SLFN12L: variants seen among roughly 807,000 people sequenced by gnomAD.
The protein encoded by SLFN12L is schlafen family member 12 like.
SLFN12L carries 34 observed loss-of-function variants against 34.8 expected under a neutral mutation model. That is an observed-to-expected ratio of 0.98 (90% CI 0.74 to 1.30). The LOEUF is 1.30. SLFN12L is among the 50% of genes most tolerant of loss of function. The pLI is 0.00. For missense variants in SLFN12L, 703 were observed against 696.2 expected, an observed-to-expected ratio of 1.01 and a Z score of -0.11; for synonymous variants, 259 against 247.5, an observed-to-expected ratio of 1.05 and a Z score of -0.44.
chr17:35,479,079 G>A (rs1204777152), intron 3 of SLFN12L, 38 bp downstream of exon 3: 3 of 1,464,242 alleles, frequency 2.0e-6, no homozygotes, highest in Non-Finnish European at 2.7e-6. Flanking sequence ...TGCCACCCAA[G>A]CCAAAGGTAT....
At chr17:35,530,854 C>T (rs983282317) in intron 1 of SLFN12L, among the ~76,000 whole-genome samples, 1 of 152,090 alleles carries the variant, frequency 6.6e-6, no homozygotes, top group Non-Finnish European at 1.5e-5. Context: ...GAAAACATTT[C>T]GTTATTTGAT....
At chr17:35,503,589 C>T (rs1260166215) in intron 2 of SLFN12L, among the ~76,000 whole-genome samples, 1 of 152,100 alleles carries the variant, frequency 6.6e-6, no homozygotes, top group Non-Finnish European at 1.5e-5. Context: ...AAAATAGGTA[C>T]TAAAGGAAAT....
At chr17:35,516,227 AC>A (rs1283425302) in intron 2 of SLFN12L, among the ~76,000 whole-genome samples, 1 of 152,184 alleles carries the variant, frequency 6.6e-6, no homozygotes, top group Non-Finnish European at 1.5e-5. Flanking sequence ...CAACTCTATT[AC>A]TTCAGCATCA....
intron 2 of SLFN12L, among the ~76,000 whole-genome samples, chr17:35,504,511 A>G (rs1488629560): frequency 1.3e-5 from 2 of 152,220 alleles, no homozygotes; most frequent in Non-Finnish European, 2.9e-5. Flanking sequence ...AACAAAAGCA[A>G]TTGTTATGCT....
chr17:35,498,244 A>G, intron 2 of SLFN12L: 2 of 776,228 alleles, frequency 2.6e-6, no homozygotes, highest in Non-Finnish European at 4.8e-6. Context: ...GAGGAGATCC[A>G]GATGGCAGTG....
chr17:35,533,427 A>G (rs1400256606), intron 1 of SLFN12L, among the ~76,000 whole-genome samples: 3 of 152,220 alleles, frequency 2.0e-5, no homozygotes, highest in Non-Finnish European at 4.4e-5. Flanking sequence ...GTTCTTGAGG[A>G]GGTTGACAGT....
At chr17:35,535,357 A>T (rs1286408256) in intron 1 of SLFN12L, among the ~76,000 whole-genome samples, 3 of 141,776 alleles carry the variant, frequency 2.1e-5, no homozygotes, top group Non-Finnish European at 4.7e-5. Flanking sequence ...TGCCTAGCTA[A>T]TTTTTTTTTT....
In SLFN12L at chr17:35,479,143, A is replaced by C; in HGVS notation, c.1139T>G (p.Ile380Ser). ...TGGTTCTGAATCCACCATGAACTGG[A>C]TCCATTCCTTCTCGGTCAACTGCTT... ...RVKQLTEKEW[I>S]QFMVDSEPVC... Residue 380 changes from isoleucine to serine, a missense_variant, in exon 3 of 5, where the codon ATC becomes AGC. Transcript: ENST00000628453. 1 of 1,567,468 alleles carries C rather than the reference A, an allele frequency of 6.4e-7. No individual in the cohort carries two copies. The highest frequency in any genetic ancestry group is 1.9e-5 in the Admixed American group (1 of 53,080).
At chr17:35,487,829 C>G in intron 2 of SLFN12L, 1 of 1,411,576 alleles carries the variant, frequency 7.1e-7, no homozygotes, top group Non-Finnish European at 9.7e-7. Flanking sequence ...CCTCGCTCAG[C>G]TGCATTTCTA....
At chr17:35,490,644 A>G in intron 2 of SLFN12L, 3 of 912,080 alleles carry the variant, frequency 3.3e-6, no homozygotes, top group Non-Finnish European at 5.5e-6. Context: ...AATTAGATGA[A>G]CTGATCCCAA....
chr17:35,500,982 G>A (rs1393111006), intron 2 of SLFN12L, among the ~76,000 whole-genome samples: 2 of 152,194 alleles, frequency 1.3e-5, no homozygotes, highest in South Asian at 2.1e-4. Flanking sequence ...TTTTGGAGAC[G>A]TGAGTCTGCC....
intron 2 of SLFN12L, chr17:35,490,593 C>T (rs1567659973): frequency 1.2e-6 from 1 of 822,224 alleles, no homozygotes. Context: ...AGTGTCAAGG[C>T]CTGTCAAAAG....
At chr17:35,497,157 G>A (rs1567666710) in intron 2 of SLFN12L, among the ~76,000 whole-genome samples, 3 of 152,138 alleles carry the variant, frequency 2.0e-5, no homozygotes, top group Non-Finnish European at 4.4e-5. Flanking sequence ...TTGGGAGGCC[G>A]AAGCGGGCGG....
chr17:35,498,409 C>A (rs1405350942), intron 2 of SLFN12L: 3 of 1,287,594 alleles, frequency 2.3e-6, no homozygotes, highest in Non-Finnish European at 3.4e-6. Context: ...CCTTGCCAGG[C>A]AGAGCCCCAG....
chr17:35,521,293 C>A (rs989047361), intron 2 of SLFN12L, among the ~76,000 whole-genome samples: 1 of 152,058 alleles, frequency 6.6e-6, no homozygotes, highest in Non-Finnish European at 1.5e-5. Context: ...AGATAAATTG[C>A]GGAGTTTAGT....
At chr17:35,523,385 G>A (rs1488059916) in intron 1 of SLFN12L, among the ~76,000 whole-genome samples, 1 of 152,206 alleles carries the variant, frequency 6.6e-6, no homozygotes, top group South Asian at 2.1e-4. Context: ...GGGGGTAGCA[G>A]GAGCCTTCCC....
At position 35,465,276 on chromosome 17, in the gene SLFN12L, G is replaced by C. The variant is rs148197020; in HGVS notation, c.*9647C>G. The stretch of plus-strand genomic sequence containing the variant: ...AAATACTCAAATTATACTTATGCCT[G>C]AGGTTCCAACAAATTTAAACATTGT... On this transcript the variant is annotated 3_prime_UTR_variant, in exon 5 of 5. Coordinates refer to ENST00000628453, the MANE Select transcript of SLFN12L (RefSeq NM_001363830.2). Among the ~76,000 whole-genome samples, 131 of 152,228 alleles carry C rather than the reference G, an allele frequency of 8.6e-4. No individual in the cohort carries two copies. The highest frequency in any genetic ancestry group is 2.9e-3 in the African/African-American group (122 of 41,530).
intron 3 of SLFN12L, among the ~76,000 whole-genome samples, chr17:35,478,663 A>C (rs1914144893): frequency 1.3e-5 from 2 of 152,226 alleles, no homozygotes; most frequent in Admixed American, 6.5e-5. Context: ...GGTACAATTT[A>C]GGTTACTCTT....
intron 1 of SLFN12L, among the ~76,000 whole-genome samples, chr17:35,527,448 C>A (rs1327225529): frequency 6.6e-6 from 1 of 151,954 alleles, no homozygotes; most frequent in Non-Finnish European, 1.5e-5. Flanking sequence ...TGCAAAAAAT[C>A]CTCAAAAAAA....
Sources: gnomAD v4.1 joint callset for allele counts (sites outside exome capture counted in the v4.1 genomes callset) on GRCh38, gnomAD v4.1.1 for gene constraint, MANE v1.5 for transcripts, NCBI Gene and HGNC (gene_info 2026-07-23, HGNC 2026-07-21) for gene names.